The following CDH12 variants were observed in gnomAD, a reference collection of about 807,000 sequenced individuals.
The protein encoded by CDH12 is cadherin 12, also known as cadherin-12.
Under a neutral mutation model 74.1 loss-of-function variants are expected in CDH12, and 41 were observed. That is an observed-to-expected ratio of 0.55 (90% CI 0.43 to 0.72). The LOEUF is 0.72. CDH12 is among the 30% of genes least tolerant of loss of function. The probability of loss-of-function intolerance (pLI) is 0.00; values close to 1 mark genes in which losing one functional copy is unlikely to be tolerated. For synonymous variants in CDH12, 399 were observed against 355.0 expected, an observed-to-expected ratio of 1.12 and a Z score of -1.39; for missense variants, 945 against 977.2, an observed-to-expected ratio of 0.97 and a Z score of 0.44.
chr5:22,062,059 GA>G (rs1227659052), intron 5 of CDH12, among the ~76,000 whole-genome samples: 2 of 151,872 alleles, frequency 1.3e-5, no homozygotes, highest in South Asian at 2.1e-4. Flanking sequence ...AAAGAAGGAA[GA>G]AAAAAGAAAA....
intron 8 of CDH12, among the ~76,000 whole-genome samples, chr5:21,831,883 T>G (rs1451524664): frequency 6.6e-6 from 1 of 152,076 alleles, no homozygotes; most frequent in East Asian, 1.9e-4. Flanking sequence ...TATGGTAGAC[T>G]ACATAACACT....
chr5:22,851,543 A>G (rs2126542857), intron 1 of CDH12, among the ~76,000 whole-genome samples: 1 of 151,964 alleles, frequency 6.6e-6, no homozygotes. Context: ...TTAATTGAAA[A>G]CCTCTTTTTA....
intron 1 of CDH12, among the ~76,000 whole-genome samples, chr5:22,756,942 GA>G (rs1222724935): frequency 1.4e-5 from 2 of 145,836 alleles, no homozygotes; most frequent in Non-Finnish European, 3.0e-5. Flanking sequence ...CTAGGCAACA[GA>G]GAAAGACTCC....
At chr5:22,765,307 A>G (rs10061041) in intron 1 of CDH12, among the ~76,000 whole-genome samples, 72,538 of 151,718 alleles carry the variant, frequency 0.48, 17,466 homozygotes, top group East Asian at 0.56. Context: ...TCTACTAAAT[A>G]CAAAATTTAA....
intron 5 of CDH12, among the ~76,000 whole-genome samples, chr5:22,018,275 C>A (rs1737732541): frequency 6.6e-6 from 1 of 152,136 alleles, no homozygotes; most frequent in Non-Finnish European, 1.5e-5. Flanking sequence ...CCTAAAAAGT[C>A]ATATGGGAGC....
chr5:21,864,307 AT>A (rs1751211537), intron 6 of CDH12, among the ~76,000 whole-genome samples: 1 of 152,130 alleles, frequency 6.6e-6, no homozygotes. Flanking sequence ...TTCAGAGAAG[AT>A]TGCATGTGAG....
At chr5:22,668,726 G>A (rs1349916841) in intron 1 of CDH12, among the ~76,000 whole-genome samples, 1 of 152,164 alleles carries the variant, frequency 6.6e-6, no homozygotes, top group East Asian at 1.9e-4. Flanking sequence ...TCTCAATACT[G>A]CCACATTGGG....
chr5:21,867,371 A>T (rs1400387904), intron 6 of CDH12, among the ~76,000 whole-genome samples: 1 of 152,124 alleles, frequency 6.6e-6, no homozygotes, highest in Non-Finnish European at 1.5e-5. Flanking sequence ...AATAAAATAA[A>T]ATAAGAATTA....
At chr5:21,932,772 G>A (rs1754901460) in intron 6 of CDH12, among the ~76,000 whole-genome samples, 1 of 150,664 alleles carries the variant, frequency 6.6e-6, no homozygotes, top group Non-Finnish European at 1.5e-5. Context: ...CATGGCACAT[G>A]CATGTAGTCC....
intron 5 of CDH12, among the ~76,000 whole-genome samples, chr5:22,007,719 G>T (rs1737049838): frequency 6.6e-6 from 1 of 152,096 alleles, no homozygotes; most frequent in South Asian, 2.1e-4. Flanking sequence ...TCTCCCCATG[G>T]TTTCCCAGGA....
At chr5:21,789,852 A>G (rs556609909) in intron 10 of CDH12, among the ~76,000 whole-genome samples, 13 of 152,066 alleles carry the variant, frequency 8.5e-5, no homozygotes, top group Non-Finnish European at 1.8e-4. Context: ...CTGAGAGCAG[A>G]GACTAGCTTT....
chr5:22,024,087 G>T (rs1462345215), intron 5 of CDH12, among the ~76,000 whole-genome samples: 1 of 152,094 alleles, frequency 6.6e-6, no homozygotes. Flanking sequence ...ATTGAGGTGA[G>T]GAAAATGTAT....
intron 6 of CDH12, among the ~76,000 whole-genome samples, chr5:21,956,505 C>T (rs1412758668): frequency 6.6e-6 from 1 of 151,864 alleles, no homozygotes; most frequent in South Asian, 2.1e-4. Flanking sequence ...ATTATTTATT[C>T]TGTTTACTAC....
intron 5 of CDH12, among the ~76,000 whole-genome samples, chr5:22,060,630 A>G (rs1469223372): frequency 6.6e-6 from 1 of 152,176 alleles, no homozygotes; most frequent in Non-Finnish European, 1.5e-5. Context: ...TCAGCAAGTC[A>G]ACACAGTATA....
intron 5 of CDH12, among the ~76,000 whole-genome samples, chr5:22,003,211 A>T (rs1736706815): frequency 6.6e-6 from 1 of 152,178 alleles, no homozygotes; most frequent in Admixed American, 6.5e-5. Context: ...AATGTATAAA[A>T]AGAACTATAA....
At chr5:22,385,301 A>C (rs1741951943) in intron 3 of CDH12, among the ~76,000 whole-genome samples, 1 of 152,152 alleles carries the variant, frequency 6.6e-6, no homozygotes, top group African/African-American at 2.4e-5. Context: ...GATCTTTCTA[A>C]ATAGTTATCC....
At chr5:21,765,129 A>G in intron 11 of CDH12, 30 bp from the exon 12 acceptor site, 2 of 1,482,410 alleles carry the variant, frequency 1.3e-6, no homozygotes, top group Non-Finnish European at 1.8e-6. Context: ...ATAAAAGATG[A>G]TTACAAAATC....
At chr5:22,558,537 T>C (rs1341156748) in intron 1 of CDH12, among the ~76,000 whole-genome samples, 1 of 151,974 alleles carries the variant, frequency 6.6e-6, no homozygotes, top group African/African-American at 2.4e-5. Context: ...TCACTAAGAG[T>C]TAGTCTTTAA....
intron 4 of CDH12, chr5:22,143,068 T>C (rs1342322138): frequency 6.2e-6 from 1 of 160,392 alleles, no homozygotes; most frequent in African/African-American, 2.4e-5. Context: ...ACCAAAATCA[T>C]AGGCTTTTTC....
Sources: gnomAD v4.1 joint callset for allele counts (sites outside exome capture counted in the v4.1 genomes callset) on GRCh38, gnomAD v4.1.1 for gene constraint, MANE v1.5 for transcripts, NCBI Gene and HGNC (gene_info 2026-07-23, HGNC 2026-07-21) for gene names.